The following SH3BGRL variants were observed in gnomAD, a reference collection of about 807,000 sequenced individuals.
The protein encoded by SH3BGRL is adapter SH3BGRL.
SH3BGRL carries 7 observed loss-of-function variants against 9.8 expected under a neutral mutation model. The ratio of observed to expected loss-of-function variants is 0.72; its 90% CI spans 0.41 to 1.35. The LOEUF (loss-of-function observed/expected upper bound fraction) is 1.35. SH3BGRL is among the 40% of genes most tolerant of loss of function. The pLI is 0.01. For synonymous variants in SH3BGRL, 36 were observed against 29.1 expected (o/e 1.24, Z -0.76); for missense variants, 73 against 84.4 (o/e 0.86, Z 0.53).
chrX:81,224,979 A>G (rs998300757), intron 1 of SH3BGRL, among the ~76,000 whole-genome samples: 1 of 110,284 alleles, frequency 9.1e-6, no homozygotes, highest in Admixed American at 9.7e-5. Context: ...GTCTTTTCTA[A>G]AAAAAAGGTG....
chrX:81,226,822 G>T (rs1349540905), intron 1 of SH3BGRL, among the ~76,000 whole-genome samples: 1 of 109,669 alleles, frequency 9.1e-6, no homozygotes, highest in Non-Finnish European at 1.9e-5. Context: ...AAGGAAAATA[G>T]AATCTCTCCT....
At chrX:81,211,779 C>A (rs1001290291) in intron 1 of SH3BGRL, among the ~76,000 whole-genome samples, 1 of 111,287 alleles carries the variant, frequency 9.0e-6, no homozygotes, top group African/African-American at 3.3e-5. Flanking sequence ...TCAAGTTCTT[C>A]AGTTTTGGGA....
intron 1 of SH3BGRL, among the ~76,000 whole-genome samples, chrX:81,214,476 G>A (rs2075575344): frequency 1.8e-5 from 2 of 111,580 alleles, no homozygotes; most frequent in Admixed American, 1.9e-4. Flanking sequence ...AATCCTGTTT[G>A]TCTGTTTTCC....
intron 1 of SH3BGRL, among the ~76,000 whole-genome samples, chrX:81,229,512 T>C (rs1342039590): frequency 9.0e-6 from 1 of 110,996 alleles, no homozygotes; most frequent in African/African-American, 3.3e-5. Flanking sequence ...TGAGGGGAAG[T>C]AGCTCTCAGC....
At chrX:81,288,800 A>C (rs2075846440) in intron 3 of SH3BGRL, among the ~76,000 whole-genome samples, 1 of 112,234 alleles carries the variant, frequency 8.9e-6, no homozygotes, top group Non-Finnish European at 1.9e-5. Flanking sequence ...TAAAAAATTG[A>C]AAAAATATTC....
At chrX:81,234,869 T>C (rs2075642900) in intron 1 of SH3BGRL, among the ~76,000 whole-genome samples, 3 of 112,115 alleles carry the variant, frequency 2.7e-5, no homozygotes, top group African/African-American at 6.5e-5. Context: ...CCAGTAGTTA[T>C]TGTGGAGATT....
Position 81,277,027 on chromosome X carries a change from A to G in SH3BGRL, c.89A>G (p.Asn30Ser). 1 of 1,209,349 alleles carries G rather than the reference A, an allele frequency of 8.3e-7. No individual in the cohort carries two copies. The highest frequency in any genetic ancestry group is 1.1e-6 in the Non-Finnish European group (1 of 894,130). Reference protein sequence around the residue: ...QQDVLGFLEANKIGFEEKDIA... With the variant: ...QQDVLGFLEASKIGFEEKDIA... ...GATGTGCTTGGTTTCCTAGAAGCCA[A>G]CAAAATAGGATTTGAAGAAAAAGAT... Residue 30 changes from asparagine to serine, a missense_variant, in exon 2 of 4, where the codon AAC becomes AGC. Physicochemically the swap from Asn to Ser is conservative, Grantham distance 46 (BLOSUM62 1). Transcript: ENST00000373212.
chrX:81,265,076 G>A (rs1474616036), intron 1 of SH3BGRL, among the ~76,000 whole-genome samples: 1 of 107,072 alleles, frequency 9.3e-6, no homozygotes, highest in Admixed American at 1.0e-4. Flanking sequence ...ATCCTTTAAG[G>A]AGCTGCTTAC....
intron 1 of SH3BGRL, among the ~76,000 whole-genome samples, chrX:81,264,591 G>A (rs2075750565): frequency 9.0e-6 from 1 of 110,727 alleles, no homozygotes; most frequent in Non-Finnish European, 1.9e-5. Context: ...CCTTTATTAT[G>A]TGACCCTCTG....
chrX:81,226,508 C>CTA (rs1053342075), intron 1 of SH3BGRL, among the ~76,000 whole-genome samples: 273 of 96,363 alleles, frequency 2.8e-3, no homozygotes, highest in Middle Eastern at 5.5e-3. Flanking sequence ...ATATATATAT[C>CTA]TATATATATA....
intron 1 of SH3BGRL, among the ~76,000 whole-genome samples, chrX:81,227,139 A>G (rs886193302): frequency 2.7e-5 from 3 of 112,138 alleles, no homozygotes; most frequent in South Asian, 3.7e-4. Flanking sequence ...AAATAAATAC[A>G]TTGGACTTTT....
At chrX:81,214,270 A>C (rs1441523195) in intron 1 of SH3BGRL, among the ~76,000 whole-genome samples, 1 of 111,890 alleles carries the variant, frequency 8.9e-6, no homozygotes, top group Non-Finnish European at 1.9e-5. Context: ...AGATTGGTGA[A>C]AACAACAGCC....
At chrX:81,209,443 T>A in intron 1 of SH3BGRL, among the ~76,000 whole-genome samples, 1 of 111,767 alleles carries the variant, frequency 8.9e-6, no homozygotes, top group East Asian at 2.8e-4. Context: ...TAGTAATAAC[T>A]ACTATTAGAT....
At chrX:81,290,910 A>G (rs1471712313) in intron 3 of SH3BGRL, among the ~76,000 whole-genome samples, 1 of 111,291 alleles carries the variant, frequency 9.0e-6, no homozygotes, top group East Asian at 2.8e-4. Flanking sequence ...CTATGGAGCA[A>G]TGTTAGGTCC....
intron 3 of SH3BGRL, among the ~76,000 whole-genome samples, chrX:81,295,184 G>A (rs990512233): frequency 1.8e-5 from 2 of 111,870 alleles, no homozygotes; most frequent in Admixed American, 9.5e-5. Flanking sequence ...GTTTTGAAAT[G>A]TGAGGACATG....
chrX:81,253,205 G>A (rs911121931), intron 1 of SH3BGRL, among the ~76,000 whole-genome samples: 1 of 112,096 alleles, frequency 8.9e-6, no homozygotes, highest in African/African-American at 3.2e-5. Flanking sequence ...GTGAAAATAG[G>A]TAAAGATGTA....
In SH3BGRL at chrX:81,276,931, C is replaced by G. The variant is rs149285340; in HGVS notation, c.46-53C>G. ...GAATTCATTTCTGCCAGCTCACAAACATTTGACTTTTGTTGAATTTGGAAA... is the reference window on the plus strand; with the variant it reads ...GAATTCATTTCTGCCAGCTCACAAAGATTTGACTTTTGTTGAATTTGGAAA... On this transcript the variant is annotated intron_variant, in intron 1 of 3. Transcript: ENST00000373212. 526 of 1,056,908 alleles carry G rather than the reference C, an allele frequency of 5.0e-4. 2 individuals carry two copies. In the African/African-American group the frequency reaches 8.1e-3, roughly 16 times the overall value. 87.1% of individuals were successfully genotyped at this position (1,056,908 alleles called of 1,213,427 possible).
intron 1 of SH3BGRL, among the ~76,000 whole-genome samples, chrX:81,208,728 T>A (rs1361715560): frequency 9.0e-6 from 1 of 111,574 alleles, no homozygotes; most frequent in East Asian, 2.8e-4. Flanking sequence ...GCGGTTCATT[T>A]ATGATGACTG....
intron 1 of SH3BGRL, among the ~76,000 whole-genome samples, chrX:81,246,173 C>T (rs1229055358): frequency 9.0e-6 from 1 of 111,419 alleles, no homozygotes; most frequent in Admixed American, 9.5e-5. Flanking sequence ...TTTGTTTTTG[C>T]TTGTTAATTT....
Sources: gnomAD v4.1 joint callset for allele counts (sites outside exome capture counted in the v4.1 genomes callset) on GRCh38, gnomAD v4.1.1 for gene constraint, MANE v1.5 for transcripts, NCBI Gene and HGNC (gene_info 2026-07-23, HGNC 2026-07-21) for gene names.